Variants in CSNK2A2 observed in about 807,000 individuals in gnomAD.
The protein encoded by CSNK2A2 is casein kinase 2 alpha 2.
CSNK2A2 carries 8 observed loss-of-function variants against 54.0 expected under a neutral mutation model. The observed-to-expected ratio is 0.15, with a 90% CI of 0.09 to 0.27. The LOEUF (loss-of-function observed/expected upper bound fraction) is 0.27. CSNK2A2 is among the 10% of genes least tolerant of loss of function. The pLI is 1.00. For synonymous variants in CSNK2A2, 141 were observed against 153.9 expected (o/e 0.92, Z 0.62); for missense variants, 242 against 439.4 (o/e 0.55, Z 4.02).
intron 4 of CSNK2A2, among the ~76,000 whole-genome samples, chr16:58,180,763 T>A (rs553883369): frequency 6.6e-6 from 1 of 152,316 alleles, no homozygotes; most frequent in South Asian, 2.1e-4. Flanking sequence ...GCGGGCTGCA[T>A]CACTGTTAAT....
chr16:58,178,190 A>G (rs1288034117), intron 4 of CSNK2A2, among the ~76,000 whole-genome samples: 2 of 151,828 alleles, frequency 1.3e-5, no homozygotes, highest in African/African-American at 4.8e-5. Flanking sequence ...TGATTCTACC[A>G]GCTTCTTAGG....
At chr16:58,185,715 C>T (rs1962174127) in intron 3 of CSNK2A2, among the ~76,000 whole-genome samples, 2 of 152,234 alleles carry the variant, frequency 1.3e-5, no homozygotes. Context: ...TGGCATACAA[C>T]CATCCCTTCC....
intron 2 of CSNK2A2, among the ~76,000 whole-genome samples, chr16:58,192,033 G>A (rs1458574126): frequency 6.6e-6 from 1 of 152,152 alleles, no homozygotes; most frequent in Admixed American, 6.5e-5. Context: ...GCATTTTGTA[G>A]ATTACTAAAA....
chr16:58,197,647 G>T lies in CSNK2A2; in HGVS notation c.90C>A (p.His30Gln). ...GACGGCTTTACCCCCAGCTCGGGAC[G>T]TGAGCCTCGTAGTCCCAGTACTCGC... ...RSREYWDYEAHVPSWGNQDDY... is the reference protein window; with the variant it reads ...RSREYWDYEAQVPSWGNQDDY... Residue 30 changes from histidine to glutamine, a missense_variant, in exon 1 of 12, where the codon CAC becomes CAA. By Grantham distance (24) the His-to-Gln change is conservative. Around this residue, in one of 5 missense-constraint regions of CSNK2A2, gnomAD observed 48 missense variants for 55.4 expected, o/e 0.87. Coordinates refer to ENST00000262506, the MANE Select transcript of CSNK2A2 (RefSeq NM_001896.4). This position sits in a 1 kb window ranked among gnomAD's most constrained non-coding sequence, Gnocchi z 4.0. 1 of 1,572,540 alleles carries T rather than the reference G, an allele frequency of 6.4e-7. No homozygotes were observed. The highest frequency in any genetic ancestry group is 8.6e-7 in the Non-Finnish European group (1 of 1,162,306).
chr16:58,164,382 T>C (rs1281668391), intron 10 of CSNK2A2, among the ~76,000 whole-genome samples: 1 of 152,208 alleles, frequency 6.6e-6, no homozygotes, highest in Non-Finnish European at 1.5e-5. Context: ...GAGTACAGAC[T>C]CAATGCTAAG....
intron 2 of CSNK2A2, among the ~76,000 whole-genome samples, chr16:58,192,351 CAAAT>C (rs1425865638): frequency 1.3e-5 from 2 of 151,288 alleles, no homozygotes; most frequent in Non-Finnish European, 2.9e-5. Flanking sequence ...GGTTTGCTCT[CAAAT>C]AAACTCATAT....
At chr16:58,185,801 T>C (rs1210063224) in intron 3 of CSNK2A2, among the ~76,000 whole-genome samples, 1 of 152,234 alleles carries the variant, frequency 6.6e-6, no homozygotes, top group Non-Finnish European at 1.5e-5. Context: ...TTGAGTGAAT[T>C]TTTTAACCTC....
chr16:58,185,534 A>C (rs1461823465), intron 3 of CSNK2A2, among the ~76,000 whole-genome samples: 1 of 152,244 alleles, frequency 6.6e-6, no homozygotes, highest in Non-Finnish European at 1.5e-5. Context: ...ATACTGACTC[A>C]CATTTTAAAA....
At chr16:58,178,329 G>C (rs1961933685) in intron 4 of CSNK2A2, among the ~76,000 whole-genome samples, 1 of 151,716 alleles carries the variant, frequency 6.6e-6, no homozygotes. Context: ...TGTTGCCCAG[G>C]CTGGAGTGCA....
intron 2 of CSNK2A2, 58 bp from the exon 3 acceptor site, chr16:58,186,914 T>C (rs1962208116): frequency 7.4e-7 from 1 of 1,350,792 alleles, no homozygotes. Context: ...TAAATAAAAC[T>C]TTAAAACAAT....
At position 58,197,545 on chromosome 16, in the gene CSNK2A2, ACAC is replaced by A; in HGVS notation, c.104+85_104+87del. 1.3e-6 allele frequency: 1 copy of A among 793,182 alleles called. No homozygotes were observed. The allele number at this position is 793,182 out of a possible 1,614,324, so 49.1% of individuals were successfully genotyped here. A position where few individuals can be genotyped will look rare whatever the true frequency, so the allele number is the denominator to read the frequency against. ...GGGCCCGCGGAGGGGTCGGCGGGAGACACCACCGGGCCCGAGTGCGGTTCGCAG... is the reference window on the plus strand; with the variant it reads ...GGGCCCGCGGAGGGGTCGGCGGGAGACACCGGGCCCGAGTGCGGTTCGCAG... On this transcript the variant is annotated intron_variant, in intron 1 of 11. Coordinates refer to ENST00000262506, the MANE Select transcript of CSNK2A2 (RefSeq NM_001896.4). This position sits in a 1 kb window ranked among gnomAD's most constrained non-coding sequence, Gnocchi z 4.0.
intron 2 of CSNK2A2, among the ~76,000 whole-genome samples, chr16:58,196,327 C>T (rs1355653708): frequency 2.0e-5 from 3 of 152,282 alleles, no homozygotes; most frequent in South Asian, 2.1e-4. Context: ...ATTTGAGCGT[C>T]GGCTGGGCAC....
At chr16:58,165,871 T>C (rs1052154535) in intron 9 of CSNK2A2, among the ~76,000 whole-genome samples, 163 bp from the exon 10 acceptor site, 1 of 152,236 alleles carries the variant, frequency 6.6e-6, no homozygotes, top group African/African-American at 2.4e-5. Flanking sequence ...CAGCATAGCA[T>C]CCTGAAACAC....
In CSNK2A2 at chr16:58,192,601, C is replaced by T. The variant is rs1053353635; in HGVS notation, c.216+4132G>A. 4 of 152,196 alleles carry T rather than the reference C, an allele frequency of 2.6e-5. No individual in the cohort carries two copies. The East Asian group carries it at 7.7e-4, about 29-fold the overall frequency. The allele number at this position is 152,196 out of a possible 1,614,324, so 9.4% of individuals were successfully genotyped here. On this transcript the variant is annotated intron_variant, in intron 2 of 11. Coordinates refer to ENST00000262506, the MANE Select transcript of CSNK2A2 (RefSeq NM_001896.4). Reference sequence around the variant, plus strand: ...CCCTCGAGGACTCTTGGATTCCACACTTCAACTAGCAACTTACCAAAGTCA... The same window carrying T: ...CCCTCGAGGACTCTTGGATTCCACATTTCAACTAGCAACTTACCAAAGTCA...
chr16:58,164,743 G>A (rs755106315), intron 10 of CSNK2A2, among the ~76,000 whole-genome samples: 46 of 152,220 alleles, frequency 3.0e-4, no homozygotes, highest in Non-Finnish European at 6.3e-4. Context: ...GAAGGCTGAA[G>A]GCTTTTCCAT....
In CSNK2A2 at chr16:58,164,066, A is replaced by G; in HGVS notation, c.*5T>C. 3 of 1,612,560 alleles carry G rather than the reference A, an allele frequency of 1.9e-6. No homozygotes were observed. The highest frequency in any genetic ancestry group is 2.5e-6 in the Non-Finnish European group (3 of 1,178,966). The stretch of plus-strand genomic sequence containing the variant: ...AATGCCGCATTACCCGTCGCTTTCC[A>G]GTCTTCATCGTGCTGCCGTGAGACC... On this transcript the variant is annotated 3_prime_UTR_variant, in exon 11 of 12. Transcript: ENST00000262506.
At chr16:58,184,206 C>CA in intron 4 of CSNK2A2, 54 bp downstream of exon 4, 3 of 1,406,928 alleles carry the variant, frequency 2.1e-6, no homozygotes, top group Non-Finnish European at 3.0e-6. Flanking sequence ...CAGTATTTAT[C>CA]ACCAGCTCCC....
At chr16:58,178,509 C>T (rs576804548) in intron 4 of CSNK2A2, among the ~76,000 whole-genome samples, 12 of 151,962 alleles carry the variant, frequency 7.9e-5, no homozygotes, top group Non-Finnish European at 1.6e-4. Flanking sequence ...CTCTAACTCC[C>T]GACCTCAGGT....
intron 4 of CSNK2A2, among the ~76,000 whole-genome samples, chr16:58,180,487 G>C (rs959761144): frequency 2.0e-5 from 3 of 151,514 alleles, no homozygotes; most frequent in Non-Finnish European, 4.4e-5. Context: ...CTCAAGAAGA[G>C]ACAGAAAACC....
Sources: allele counts gnomAD v4.1 joint callset (sites outside exome capture counted in the v4.1 genomes callset), GRCh38; gene constraint gnomAD v4.1.1; regional missense constraint gnomAD v4.1.1; non-coding constraint Gnocchi (gnomAD v3.1); transcripts MANE v1.5; gene names NCBI Gene and HGNC (gene_info 2026-07-23, HGNC 2026-07-21).